Variants in NDST4 observed in about 807,000 individuals in gnomAD.
NDST4 encodes the protein N-deacetylase and N-sulfotransferase 4.
In NDST4, 63 loss-of-function variants were observed where a neutral mutation model predicts 100.8. The ratio of observed to expected loss-of-function variants is 0.62; its 90% CI spans 0.51 to 0.77. NDST4 has a LOEUF of 0.77. NDST4 is among the 30% of genes least tolerant of loss of function. The pLI is 0.00. For missense variants in NDST4, 943 were observed against 1,018.4 expected, an observed-to-expected ratio of 0.93 and a Z score of 1.01; for synonymous variants, 377 against 361.8, an observed-to-expected ratio of 1.04 and a Z score of -0.48.
At position 114,996,205 on chromosome 4, in the gene NDST4, T is replaced by G. The variant is rs142015088; in HGVS notation, c.979-18931A>C. 2.3e-3 allele frequency among the ~76,000 whole-genome samples: 347 copies of G among 152,144 alleles called. 1 individual carries two copies. Among genetic ancestry groups the G allele is most frequent in the African/African-American group, 8.0e-3 (334 of 41,510 alleles). On this transcript the variant is annotated intron_variant, in intron 2 of 13. Coordinates refer to ENST00000264363, the MANE Select transcript of NDST4 (RefSeq NM_022569.3). ...CATGGATGCAGTTTCCCCTATGCCG[T>G]TCTTGTGATAGTGAGTGAGTTCTCA... is the stretch of plus-strand genomic sequence containing the variant.
chr4:115,072,464 A>T (rs1729097636), intron 2 of NDST4, among the ~76,000 whole-genome samples: 1 of 152,224 alleles, frequency 6.6e-6, no homozygotes, highest in East Asian at 1.9e-4. Flanking sequence ...TAATCACAAC[A>T]GCATGATACT....
chr4:114,928,836 C>A (rs993713203), intron 6 of NDST4, among the ~76,000 whole-genome samples: 12 of 152,074 alleles, frequency 7.9e-5, no homozygotes, highest in African/African-American at 2.9e-4. Context: ...TGCCTTTGAA[C>A]TCTAACTGTA....
chr4:114,943,856 A>G (rs1431506169), intron 4 of NDST4, among the ~76,000 whole-genome samples: 1 of 152,176 alleles, frequency 6.6e-6, no homozygotes, highest in African/African-American at 2.4e-5. Context: ...TAGATGAGTT[A>G]AGAATTCCTC....
rs566354852 is a variant in NDST4, at chr4:114,859,619, C to T, written c.1720-6798G>A. ...CCCAGCTAGGGGATTGAGAATTCTC[C>T]CCGGCTAATAGAAGCCACCTGACCG... On this transcript the variant is annotated intron_variant, in intron 7 of 13. Coordinates refer to ENST00000264363, the MANE Select transcript of NDST4 (RefSeq NM_022569.3). Among the ~76,000 whole-genome samples, 23 of 152,264 alleles carry T rather than the reference C, an allele frequency of 1.5e-4. No homozygotes were observed. In the South Asian group the frequency reaches 4.1e-3, roughly 27 times the overall value.
At chr4:114,962,611 T>G (rs1376744896) in intron 4 of NDST4, among the ~76,000 whole-genome samples, 3 of 151,990 alleles carry the variant, frequency 2.0e-5, no homozygotes. Context: ...TCAAAGAAGT[T>G]CAAAATTTAG....
intron 2 of NDST4, among the ~76,000 whole-genome samples, chr4:115,061,624 G>A (rs1314697618): frequency 2.0e-5 from 3 of 151,852 alleles, no homozygotes; most frequent in African/African-American, 7.3e-5. Context: ...GGTCTGTCGG[G>A]GGTGAGGGGC....
intron 4 of NDST4, among the ~76,000 whole-genome samples, chr4:114,947,723 A>G (rs1578407217): frequency 6.7e-6 from 1 of 149,792 alleles, no homozygotes; most frequent in East Asian, 1.9e-4. Context: ...CAATTTTCAC[A>G]TTATGATTTT....
At chr4:114,994,886 CATAAA>C (rs1357071979) in intron 2 of NDST4, among the ~76,000 whole-genome samples, 5 of 151,926 alleles carry the variant, frequency 3.3e-5, no homozygotes, top group African/African-American at 1.2e-4. Context: ...TGAAGGGAAT[CATAAA>C]ATCTCCACAA....
intron 6 of NDST4, among the ~76,000 whole-genome samples, chr4:114,934,445 T>C (rs1050956542): frequency 4.6e-5 from 7 of 151,814 alleles, no homozygotes; most frequent in African/African-American, 1.7e-4. Flanking sequence ...TCCCAGCTAC[T>C]TGGGAGTCTG....
At chr4:114,865,515 A>T (rs1724009447) in intron 7 of NDST4, among the ~76,000 whole-genome samples, 1 of 152,248 alleles carries the variant, frequency 6.6e-6, no homozygotes, top group South Asian at 2.1e-4. Context: ...GTTCTAATAC[A>T]GTATTATGCA....
intron 2 of NDST4, among the ~76,000 whole-genome samples, chr4:115,043,066 T>C (rs1162033723): frequency 2.0e-5 from 3 of 152,084 alleles, no homozygotes; most frequent in Non-Finnish European, 2.9e-5. Flanking sequence ...CCACTACACA[T>C]GCTGCTTACA....
intron 1 of NDST4, among the ~76,000 whole-genome samples, chr4:115,112,588 A>T (rs1729977081): frequency 6.6e-6 from 1 of 151,844 alleles, no homozygotes; most frequent in African/African-American, 2.4e-5. Flanking sequence ...ATAATCACTT[A>T]AAAAAACTAT....
chr4:114,830,835 C>A (rs571269845), intron 12 of NDST4, among the ~76,000 whole-genome samples: 168 of 152,200 alleles, frequency 1.1e-3, no homozygotes, highest in African/African-American at 3.8e-3. Flanking sequence ...TGCCCTGGGC[C>A]CATTCCTATA....
In NDST4 at chr4:115,054,660, G is replaced by T. The variant is rs554123779; in HGVS notation, c.978+21399C>A. On this transcript the variant is annotated intron_variant, in intron 2 of 13. Transcript: ENST00000264363. ...TTTCTTCTGACATTTCAATGGGGGT[G>T]TATGCAGCTTCCTTTGTAGACCATT... 6.6e-4 allele frequency among the ~76,000 whole-genome samples: 101 copies of T among 152,292 alleles called. No homozygotes were observed. In the Middle Eastern group the frequency reaches 0.014, roughly 21 times the overall value.
chr4:114,995,882 A>C (rs1224349205), intron 2 of NDST4, among the ~76,000 whole-genome samples: 1 of 152,080 alleles, frequency 6.6e-6, no homozygotes, highest in Non-Finnish European at 1.5e-5. Context: ...TCTTATTCTT[A>C]AAATAGGGAG....
At chr4:114,911,039 G>T (rs1433067465) in intron 6 of NDST4, among the ~76,000 whole-genome samples, 1 of 152,030 alleles carries the variant, frequency 6.6e-6, no homozygotes, top group African/African-American at 2.4e-5. Flanking sequence ...TCACTAATCA[G>T]ATTGTTTTAA....
At chr4:115,068,830 A>G (rs1261901985) in intron 2 of NDST4, among the ~76,000 whole-genome samples, 2 of 151,714 alleles carry the variant, frequency 1.3e-5, no homozygotes, top group Non-Finnish European at 1.5e-5. Flanking sequence ...AAAAAAAAAA[A>G]AAGAAAAGAA....
At chr4:115,042,705 T>C (rs1354429609) in intron 2 of NDST4, among the ~76,000 whole-genome samples, 5 of 152,044 alleles carry the variant, frequency 3.3e-5, no homozygotes, top group African/African-American at 1.2e-4. Flanking sequence ...AAGTATCCCC[T>C]GGCGGTGAGG....
chr4:115,092,438 C>T (rs1442829142), intron 1 of NDST4, among the ~76,000 whole-genome samples: 9 of 150,474 alleles, frequency 6.0e-5, no homozygotes, highest in Non-Finnish European at 5.9e-5. Flanking sequence ...GTTCAAGTTG[C>T]TGGATATAAG....
Sources: allele counts gnomAD v4.1 joint callset (sites outside exome capture counted in the v4.1 genomes callset), GRCh38; gene constraint gnomAD v4.1.1; transcripts MANE v1.5; gene names NCBI Gene and HGNC (gene_info 2026-07-23, HGNC 2026-07-21).